Variants in PPP1R3A observed in about 807,000 individuals in gnomAD.
PPP1R3A encodes RG1.
In PPP1R3A, 29 loss-of-function variants were observed where a neutral mutation model predicts 41.7. The ratio of observed to expected loss-of-function variants is 0.70; its 90% CI spans 0.52 to 0.95. The LOEUF (loss-of-function observed/expected upper bound fraction) is 0.95, where lower values mean the gene tolerates loss of function less well. PPP1R3A is among the 40% of genes least tolerant of loss of function. The probability of loss-of-function intolerance (pLI) is 0.00; values close to 1 mark genes in which losing one functional copy is unlikely to be tolerated. For synonymous variants in PPP1R3A, 485 were observed against 453.4 expected, an observed-to-expected ratio of 1.07 and a Z score of -0.89; for missense variants, 1,352 against 1,292.4, an observed-to-expected ratio of 1.05 and a Z score of -0.71.
intron 1 of PPP1R3A, among the ~76,000 whole-genome samples, chr7:113,901,744 T>C (rs1339456553): frequency 6.6e-6 from 1 of 151,704 alleles, no homozygotes; most frequent in Non-Finnish European, 1.5e-5. Flanking sequence ...TATGCAGTGG[T>C]GTCAAAAGTA....
chr7:113,884,158 C>A (rs1796742470), intron 1 of PPP1R3A, among the ~76,000 whole-genome samples: 1 of 151,878 alleles, frequency 6.6e-6, no homozygotes. Flanking sequence ...GGTTGATAAA[C>A]ATACCATGTT....
chr7:113,877,968 C>G lies in PPP1R3A; in HGVS notation c.3124G>C (p.Gly1042Arg). 1 of 1,613,370 alleles carries G rather than the reference C, an allele frequency of 6.2e-7. No homozygotes were observed. The highest frequency in any genetic ancestry group is 8.5e-7 in the Non-Finnish European group (1 of 1,179,626). ...GCAGAGCTGTCAGATTCCTTTTCAC[C>G]TGAAGTGTATAGTGATTGCCCAGAG... ...VSSGQSLYTS[G>R]EKESDSSAST... Residue 1042 changes from glycine (G) to arginine (R), a missense_variant, in exon 4 of 4, where the codon GGT (glycine) becomes CGT (arginine). Coordinates refer to ENST00000284601, the MANE Select transcript of PPP1R3A (RefSeq NM_002711.4).
intron 1 of PPP1R3A, among the ~76,000 whole-genome samples, chr7:113,883,948 T>C (rs1238410420): frequency 6.6e-6 from 1 of 151,976 alleles, no homozygotes; most frequent in Non-Finnish European, 1.5e-5. Flanking sequence ...TATTCAACTA[T>C]GTATTCTTAT....
chr7:113,877,818 A>G lies in PPP1R3A; in HGVS notation c.3274T>C (p.Tyr1092His). The G allele has an allele frequency of 6.2e-7, 1 of 1,608,282 alleles. No individual in the cohort carries two copies. Among genetic ancestry groups the G allele is most frequent in the Non-Finnish European group, 8.5e-7 (1 of 1,175,444 alleles). The part of the protein sequence containing the change: ...FLIFLITVYH[Y>H]DLMIGLTFYV... ...AATGTCAAGCCAATCATTAAGTCAT[A>G]ATGGTAGACAGTTATAAGAAATATC... The change falls in exon 4 of 4, where the codon TAT (tyrosine) becomes CAT (histidine). Residue 1092 changes from tyrosine to histidine, a missense_variant. Coordinates refer to ENST00000284601, the MANE Select transcript of PPP1R3A (RefSeq NM_002711.4).
intron 1 of PPP1R3A, among the ~76,000 whole-genome samples, chr7:113,908,464 C>A (rs1053831913): frequency 6.6e-6 from 1 of 151,736 alleles, no homozygotes; most frequent in Non-Finnish European, 1.5e-5. Context: ...AATGGCTGTA[C>A]CAATATTCTG....
intron 1 of PPP1R3A, among the ~76,000 whole-genome samples, chr7:113,883,103 C>T (rs913334915): frequency 6.6e-6 from 1 of 151,916 alleles, no homozygotes. Flanking sequence ...TTTGTGAAGT[C>T]ATTAGAATTT....
intron 1 of PPP1R3A, among the ~76,000 whole-genome samples, chr7:113,896,249 T>C (rs1796973198): frequency 6.6e-6 from 1 of 151,928 alleles, no homozygotes; most frequent in African/African-American, 2.4e-5. Flanking sequence ...TGTGAACTAT[T>C]TTGTTTCTTC....
At position 113,879,081 on chromosome 7, in the gene PPP1R3A, TTG is replaced by T. The variant is rs1796631679; in HGVS notation, c.2009_2010del (p.Thr670LysfsTer13). On this transcript the variant is annotated frameshift_variant, in exon 4 of 4. Coordinates refer to ENST00000284601, the MANE Select transcript of PPP1R3A (RefSeq NM_002711.4). LOFTEE classifies it low-confidence loss of function (END_TRUNC). ...ESQGKSRENK[T>X]NITEHIKGQT... ...TGTCCTTTGATATGCTCTGTTATGT[TTG>T]TCTTATTCTCTCTTGATTTTCCCTG... 6.2e-7 allele frequency: 1 copy of T among 1,613,816 alleles called. No individual in the cohort carries two copies. The highest frequency in any genetic ancestry group is 8.5e-7 in the Non-Finnish European group (1 of 1,179,800).
At chr7:113,882,796 T>G (rs950220621) in intron 1 of PPP1R3A, among the ~76,000 whole-genome samples, 7 of 151,894 alleles carry the variant, frequency 4.6e-5, no homozygotes, top group Non-Finnish European at 8.8e-5. Flanking sequence ...TTCTTCCAGT[T>G]GGACTAACAT....
intron 1 of PPP1R3A, among the ~76,000 whole-genome samples, chr7:113,912,366 G>A (rs978719260): frequency 1.3e-5 from 2 of 152,048 alleles, no homozygotes; most frequent in Non-Finnish European, 1.5e-5. Context: ...ATTTAAGAAG[G>A]AAAATCTCAC....
At position 113,918,435 on chromosome 7, in the gene PPP1R3A, A is replaced by T. The variant is rs1485533459; in HGVS notation, c.562T>A (p.Phe188Ile). 6.2e-7 allele frequency: 1 copy of T among 1,613,406 alleles called. No homozygotes were observed. Among genetic ancestry groups the T allele is most frequent in the East Asian group, 2.2e-5 (1 of 44,836 alleles). The stretch of plus-strand genomic sequence containing the variant: ...GGAACCAATACAATCTTAAAGGAGA[A>T]CTGGTCAGTTTCACCATCACATGAA... ...PNSCDGETDQ[F>I]SFKIVLVPPY... The change falls in exon 1 of 4, where the codon TTC becomes ATC. Residue 188 changes from phenylalanine to isoleucine, a missense_variant. Transcript: ENST00000284601.
In PPP1R3A at chr7:113,877,758, C is replaced by A; in HGVS notation, c.3334G>T (p.Glu1112Ter). The change falls in exon 4 of 4, where the codon GAG becomes TAG. Residue 1112 changes from glutamate to a stop codon, truncating the protein, a stop_gained. Coordinates refer to ENST00000284601, the MANE Select transcript of PPP1R3A (RefSeq NM_002711.4). LOFTEE classifies it high-confidence loss of function. ...TTGACAGACTCTTTTTGTCTACCCT[C>A]TTCCCAGGATAGCCAGGACAATGAC... ...VLSLSWLSWE[E>*]GRQKESVKKK 1.3e-6 allele frequency: 2 copies of A among 1,582,516 alleles called. No homozygotes were observed. Among genetic ancestry groups the A allele is most frequent in the East Asian group, 2.2e-5 (1 of 44,606 alleles).
At chr7:113,916,233 A>T (rs796918918) in intron 1 of PPP1R3A, among the ~76,000 whole-genome samples, 11 of 152,180 alleles carry the variant, frequency 7.2e-5, no homozygotes, top group African/African-American at 2.4e-4. Context: ...TTTATAACTC[A>T]TTAGGAAACT....
Position 113,918,548 on chromosome 7 carries a change from T to A in PPP1R3A, c.449A>T (p.Asn150Ile). Reference protein sequence around the residue: ...TSIKGIIRVLNVSFEKLVYVR... With the variant: ...TSIKGIIRVLIVSFEKLVYVR... ...ATATACTAACTTCTCAAAAGAAACA[T>A]TCAAAACTCGAATAATACCCTTGAT... The change falls in exon 1 of 4, where the codon AAT becomes ATT. Residue 150 changes from asparagine to isoleucine, a missense_variant. By Grantham distance (149) the Asn-to-Ile change is moderately radical. Coordinates refer to ENST00000284601, the MANE Select transcript of PPP1R3A (RefSeq NM_002711.4). 6.2e-7 allele frequency: 1 copy of A among 1,612,950 alleles called. No homozygotes were observed. The highest frequency in any genetic ancestry group is 8.5e-7 in the Non-Finnish European group (1 of 1,179,348).
At position 113,878,063 on chromosome 7, in the gene PPP1R3A, G is replaced by T; in HGVS notation, c.3029C>A (p.Pro1010Gln). Reference protein sequence around the residue: ...EEYSVEKSLGPMILINKPLEN... With the variant: ...EEYSVEKSLGQMILINKPLEN... The stretch of plus-strand genomic sequence containing the variant: ...AAGAGGTTTGTTGATTAAAATCATT[G>T]GCCCTAGAGATTTTTCCACACTATA... Residue 1010 changes from proline to glutamine, a missense_variant, in exon 4 of 4, where the codon CCA (proline) becomes CAA (glutamine). Coordinates refer to ENST00000284601, the MANE Select transcript of PPP1R3A (RefSeq NM_002711.4). The T allele has an allele frequency of 6.2e-7, 1 of 1,613,096 alleles. No homozygotes were observed. Among genetic ancestry groups the T allele is most frequent in the Non-Finnish European group, 8.5e-7 (1 of 1,179,578 alleles).
rs1267283154 is a variant in PPP1R3A at position 113,879,204 on chromosome 7, A to C, written c.1888T>G (p.Tyr630Asp). 6.2e-7 allele frequency: 1 copy of C among 1,613,632 alleles called. No homozygotes were observed. The highest frequency in any genetic ancestry group is 8.5e-7 in the Non-Finnish European group (1 of 1,179,746). The change falls in exon 4 of 4, where the codon TAT (tyrosine) becomes GAT (aspartate). Residue 630 changes from tyrosine (Y) to aspartate (D), a missense_variant. Physicochemically the swap from Tyr to Asp is radical, Grantham distance 160. Transcript: ENST00000284601. Reference protein sequence around the residue: ...SRTGNVLRNDYLFQVEEKSGG... With the variant: ...SRTGNVLRNDDLFQVEEKSGG... Reference sequence around the variant, plus strand: ...GATTTTTCTTCAACTTGGAAAAGATAATCATTCCTCAAAACATTTCCAGTT... The same window carrying C: ...GATTTTTCTTCAACTTGGAAAAGATCATCATTCCTCAAAACATTTCCAGTT...
intron 1 of PPP1R3A, among the ~76,000 whole-genome samples, chr7:113,899,625 A>C (rs2129118081): frequency 6.6e-6 from 1 of 151,936 alleles, no homozygotes; most frequent in East Asian, 1.9e-4. Flanking sequence ...TCAAAACACC[A>C]GTATTTATGT....
At position 113,879,391 on chromosome 7, in the gene PPP1R3A, G is replaced by T; in HGVS notation, c.1701C>A (p.Ser567Arg). ...CCCGGGTGGGGATTGCGGTATGTTC[G>T]CTCAGCAGAGTAGCCAGGTCTCTGT... ...ASNRDLATLL[S>R]EHTAIPTRAI... The change falls in exon 4 of 4, where the codon AGC becomes AGA. Residue 567 changes from serine (S) to arginine (R), a missense_variant. Transcript: ENST00000284601. 1.2e-6 allele frequency: 2 copies of T among 1,613,460 alleles called. No individual in the cohort carries two copies. Among genetic ancestry groups the T allele is most frequent in the Non-Finnish European group, 1.7e-6 (2 of 1,179,690 alleles).
chr7:113,877,794 A>G lies in PPP1R3A; in HGVS notation c.3298T>C (p.Phe1100Leu). ...YHYDLMIGLT[F>L]YVLSLSWLSW... ...AGCCAGGACAATGACAAAACGTAGAATGTCAAGCCAATCATTAAGTCATAA... is the reference window on the plus strand; with the variant it reads ...AGCCAGGACAATGACAAAACGTAGAGTGTCAAGCCAATCATTAAGTCATAA... The change falls in exon 4 of 4, where the codon TTC (phenylalanine) becomes CTC (leucine). Residue 1100 changes from phenylalanine to leucine, a missense_variant. Phe to Leu is a conservative substitution (Grantham distance 22). Coordinates refer to ENST00000284601, the MANE Select transcript of PPP1R3A (RefSeq NM_002711.4). The G allele has an allele frequency of 6.2e-7, 1 of 1,605,680 alleles. No homozygotes were observed. Among genetic ancestry groups the G allele is most frequent in the Non-Finnish European group, 8.5e-7 (1 of 1,174,510 alleles).
Sources: gnomAD v4.1 joint callset for allele counts (sites outside exome capture counted in the v4.1 genomes callset) on GRCh38, gnomAD v4.1.1 for gene constraint, MANE v1.5 for transcripts, NCBI Gene and HGNC (gene_info 2026-07-23, HGNC 2026-07-21) for gene names.